Variants in PLEKHH2 observed in about 807,000 individuals in gnomAD.
PLEKHH2 encodes the protein pleckstrin homology domain-containing family H member 2.
A neutral mutation model predicts 187.9 loss-of-function variants in PLEKHH2; 129 were observed. That is an observed-to-expected ratio of 0.69 (90% CI 0.59 to 0.79). PLEKHH2 has a LOEUF of 0.79. Among genes scored for constraint, PLEKHH2 ranks in the 30% least tolerant of loss-of-function variants. The pLI is 0.00. For synonymous variants in PLEKHH2, 686 were observed against 605.6 expected (o/e 1.13, Z -1.95); for missense variants, 2,076 against 1,751.2 (o/e 1.19, Z -3.31).
chr2:43,753,382 A>G (rs889313908), intron 24 of PLEKHH2, among the ~76,000 whole-genome samples: 3 of 152,196 alleles, frequency 2.0e-5, no homozygotes, highest in Non-Finnish European at 2.9e-5. Flanking sequence ...ATTGACATTT[A>G]ATGTGATTCA....
intron 24 of PLEKHH2, among the ~76,000 whole-genome samples, chr2:43,748,160 T>C (rs919259926): frequency 2.0e-5 from 3 of 152,206 alleles, no homozygotes; most frequent in African/African-American, 7.2e-5. Flanking sequence ...GAATAAATGG[T>C]GGTTGTGAAC....
At chr2:43,752,127 T>C (rs887691026) in intron 24 of PLEKHH2, among the ~76,000 whole-genome samples, 4 of 152,170 alleles carry the variant, frequency 2.6e-5, no homozygotes, top group African/African-American at 9.7e-5. Flanking sequence ...GAGTATGATA[T>C]ACTTCCTAAC....
At chr2:43,653,447 G>C (rs2888879) in intron 2 of PLEKHH2, among the ~76,000 whole-genome samples, 1 of 151,932 alleles carries the variant, frequency 6.6e-6, no homozygotes, top group Non-Finnish European at 1.5e-5. Context: ...GGCCAATTAT[G>C]AATTTTATTT....
At chr2:43,681,291 CTG>C (rs1290156415) in intron 3 of PLEKHH2, 32 of 739,458 alleles carry the variant, frequency 4.3e-5, no homozygotes, top group Middle Eastern at 2.8e-4. Context: ...TGCTGGCTGA[CTG>C]TAACTCTGTC....
At chr2:43,753,253 A>C (rs772506774) in intron 24 of PLEKHH2, among the ~76,000 whole-genome samples, 3 of 152,134 alleles carry the variant, frequency 2.0e-5, no homozygotes, top group Non-Finnish European at 4.4e-5. Flanking sequence ...TCATCCCTTT[A>C]CTTCTACTTA....
chr2:43,691,200 C>T (rs530671907), intron 3 of PLEKHH2, among the ~76,000 whole-genome samples: 20 of 152,276 alleles, frequency 1.3e-4, no homozygotes, highest in East Asian at 1.9e-4. Context: ...TCTTGTCTCA[C>T]GACCAGGAAG....
Position 43,697,197 on chromosome 2 carries a change from G to C in PLEKHH2, c.529G>C (p.Val177Leu). The change falls in exon 7 of 30, where the codon GTC (valine) becomes CTC (leucine). Residue 177 changes from valine to leucine, a missense_variant. By Grantham distance (32) the Val-to-Leu change is conservative. Coordinates refer to ENST00000282406, the MANE Select transcript of PLEKHH2 (RefSeq NM_172069.4). ...QEVQGKKSST[V>L]STLKLSEGQR... ...AGTTCAAGGAAAGAAGTCATCCACT[G>C]TCTCTACACTAAAGCTTTCGGAAGG... The C allele has an allele frequency of 6.2e-7, 1 of 1,603,354 alleles. No individual in the cohort carries two copies. The highest frequency in any genetic ancestry group is 8.5e-7 in the Non-Finnish European group (1 of 1,176,388).
In PLEKHH2 at chr2:43,758,941, G is replaced by A. The variant is rs757897659; in HGVS notation, c.3983G>A (p.Arg1328Gln). The A allele has an allele frequency of 6.9e-6, 11 of 1,603,732 alleles. No homozygotes were observed. The highest frequency in any genetic ancestry group is 8.5e-6 in the Non-Finnish European group (10 of 1,172,080). The stretch of plus-strand genomic sequence containing the variant: ...CTTTCAACCAGATGGATGGCCCTCC[G>A]GGGACACAGTGCTGCTGACTGTGTG... ...QRLSTRWMAL[R>Q]GHSAADCVRI... The change falls in exon 27 of 30, where the codon CGG (arginine) becomes CAG (glutamine). Residue 1328 changes from arginine to glutamine, a missense_variant. Coordinates refer to ENST00000282406, the MANE Select transcript of PLEKHH2 (RefSeq NM_172069.4).
At chr2:43,703,089 C>A (rs994574610) in intron 8 of PLEKHH2, among the ~76,000 whole-genome samples, 6 of 152,182 alleles carry the variant, frequency 3.9e-5, no homozygotes, top group Non-Finnish European at 8.8e-5. Flanking sequence ...ACTATTCAAT[C>A]GAAAATGTCC....
chr2:43,702,793 A>G (rs1312193676), intron 8 of PLEKHH2, among the ~76,000 whole-genome samples: 1 of 152,100 alleles, frequency 6.6e-6, no homozygotes, highest in Non-Finnish European at 1.5e-5. Context: ...TACCATGCAA[A>G]TTACAATAGT....
intron 8 of PLEKHH2, among the ~76,000 whole-genome samples, chr2:43,701,355 C>T (rs1364024757): frequency 6.6e-6 from 1 of 152,162 alleles, no homozygotes; most frequent in Admixed American, 6.5e-5. Flanking sequence ...CTCAGCTTAC[C>T]AATCACATTA....
rs1229242175 is a variant in PLEKHH2 at position 43,710,343 on chromosome 2, T to C, written c.2214+13T>C. 1.2e-6 allele frequency: 2 copies of C among 1,609,796 alleles called. No homozygotes were observed. The highest frequency in any genetic ancestry group is 1.7e-6 in the Non-Finnish European group (2 of 1,176,478). ...CTACAAATCTCCGGTGAGTGGAAAGTGTTTTCTGTTTAGAACGTAATTCCT... is the reference window on the plus strand; with the variant it reads ...CTACAAATCTCCGGTGAGTGGAAAGCGTTTTCTGTTTAGAACGTAATTCCT... On this transcript the variant is annotated intron_variant, in intron 13 of 29. Coordinates refer to ENST00000282406, the MANE Select transcript of PLEKHH2 (RefSeq NM_172069.4).
chr2:43,700,540 T>A lies in PLEKHH2; in HGVS notation c.1582T>A (p.Cys528Ser), dbSNP rs754369190. Residue 528 changes from cysteine to serine, a missense_variant, in exon 8 of 30, where the codon TGT becomes AGT. By Grantham distance (112) the Cys-to-Ser change is moderately radical. Transcript: ENST00000282406. ...DSPNSDDQEH[C>S]DSAKKVAYSK... The stretch of plus-strand genomic sequence containing the variant: ...TCCAAATTCAGATGACCAGGAACAC[T>A]GTGACTCAGCAAAGAAGGTGGCATA... 6.2e-7 allele frequency: 1 copy of A among 1,613,768 alleles called. No homozygotes were observed. Among genetic ancestry groups the A allele is most frequent in the Non-Finnish European group, 8.5e-7 (1 of 1,179,938 alleles).
chr2:43,681,625 A>C, intron 3 of PLEKHH2: 1 of 683,160 alleles, frequency 1.5e-6, no homozygotes, highest in Non-Finnish European at 2.6e-6. Context: ...ATGACACAAT[A>C]TGCATTTTTG....
chr2:43,721,416 G>C (rs1670472225), intron 16 of PLEKHH2, among the ~76,000 whole-genome samples: 1 of 152,140 alleles, frequency 6.6e-6, no homozygotes, highest in Admixed American at 6.5e-5. Context: ...GCCTGTGACT[G>C]TTACTGTGTT....
At position 43,710,551 on chromosome 2, in the gene PLEKHH2, A is replaced by G. The variant is rs754082950; in HGVS notation, c.2277A>G (p.Arg759=). 14 of 1,591,982 alleles carry G rather than the reference A, an allele frequency of 8.8e-6. No homozygotes were observed. The highest frequency in any genetic ancestry group is 1.2e-5 in the Non-Finnish European group (14 of 1,173,810). Residue 759 remains arginine (R), a synonymous_variant, in exon 14 of 30, where the codon AGA becomes AGG. Coordinates refer to ENST00000282406, the MANE Select transcript of PLEKHH2 (RefSeq NM_172069.4). The part of the protein sequence containing the change: ...IELSASCSIL[R]GDNKQTVQLT... ...TTAGTGCATCCTGTAGTATTTTAAGAGGAGATAACAAACAAACAGTTCAGG... is the reference window on the plus strand; with the variant it reads ...TTAGTGCATCCTGTAGTATTTTAAGGGGAGATAACAAACAAACAGTTCAGG...
chr2:43,675,658 A>G lies in PLEKHH2; in HGVS notation c.124-3205A>G, dbSNP rs761649454. On this transcript the variant is annotated intron_variant, in intron 2 of 29. Transcript: ENST00000282406. ...ATGAACTCCTGCATATTTCAGGCATATTGCCAGCTGCTTATCTTCAGATAA... is the reference window on the plus strand; with the variant it reads ...ATGAACTCCTGCATATTTCAGGCATGTTGCCAGCTGCTTATCTTCAGATAA... 3.1e-6 allele frequency: 5 copies of G among 1,613,960 alleles called. No individual in the cohort carries two copies. The South Asian group carries it at 4.4e-5, about 14-fold the overall frequency.
intron 16 of PLEKHH2, among the ~76,000 whole-genome samples, chr2:43,724,459 A>G (rs1427924377): frequency 6.6e-6 from 1 of 152,258 alleles, no homozygotes; most frequent in African/African-American, 2.4e-5. Flanking sequence ...AAGGTACTAA[A>G]TTAGAGCAAA....
intron 27 of PLEKHH2, 38 bp downstream of exon 27, chr2:43,759,067 T>G: frequency 6.3e-7 from 1 of 1,592,798 alleles, no homozygotes. Flanking sequence ...AATGAAAACC[T>G]TTGTGTACAT....
Sources: allele counts gnomAD v4.1 joint callset (sites outside exome capture counted in the v4.1 genomes callset), GRCh38; gene constraint gnomAD v4.1.1; transcripts MANE v1.5; gene names NCBI Gene and HGNC (gene_info 2026-07-23, HGNC 2026-07-21).